Variants in CACNA1B observed in about 807,000 individuals in gnomAD.
CACNA1B encodes the protein voltage-dependent N-type calcium channel subunit alpha-1B.
A neutral mutation model predicts 247.2 loss-of-function variants in CACNA1B; 70 were observed. That is an observed-to-expected ratio of 0.28 (90% confidence interval 0.23 to 0.35). CACNA1B has a LOEUF of 0.35. CACNA1B is among the 10% of genes least tolerant of loss of function. CACNA1B has a pLI of 1.00. For missense variants in CACNA1B, 2,367 were observed against 3,197.4 expected (o/e 0.74, Z 6.26); for synonymous variants, 1,231 against 1,294.4 (o/e 0.95, Z 1.05).
At position 138,122,241 on chromosome 9, in the gene CACNA1B, C is replaced by CA; in HGVS notation, c.*243dup. 1.8e-6 allele frequency: 1 copy of CA among 569,122 alleles called. No homozygotes were observed. The allele number at this position is 569,122 out of a possible 1,614,324, so 35.3% of individuals were successfully genotyped here. A position where few individuals can be genotyped will look rare whatever the true frequency, so the allele number is the denominator to read the frequency against. ...CCTTCCTGGGTCTCGTACCACACAC[C>CA]AGACCCTAAACCGCAGGCTGCTGTG... On this transcript the variant is annotated 3_prime_UTR_variant, in exon 47 of 47. Coordinates refer to ENST00000371372, the MANE Select transcript of CACNA1B (RefSeq NM_000718.4).
Position 137,882,712 on chromosome 9 carries a change from CA to C in CACNA1B, c.391-31del, listed in dbSNP as rs1956942871. The C allele has an allele frequency of 1.2e-6, 2 of 1,613,446 alleles. No homozygotes were observed. The highest frequency in any genetic ancestry group is 1.7e-5 in the Admixed American group (1 of 59,978). ...GCCCGCTACTACACCGGGTAGGGGCCAGGGGTGACCACTGTTCTGCGCTTCT... is the reference window on the plus strand; with the variant it reads ...GCCCGCTACTACACCGGGTAGGGGCCGGGGTGACCACTGTTCTGCGCTTCT... On this transcript the variant is annotated intron_variant, in intron 2 of 46. Transcript: ENST00000371372. The surrounding 1 kb of genome is among the most constrained non-coding windows in gnomAD (Gnocchi z 4.0).
In CACNA1B at chr9:137,952,455, T is replaced by C. The variant is rs1030806312; in HGVS notation, c.1070+78T>C. 3.8e-5 allele frequency: 47 copies of C among 1,233,272 alleles called. No individual in the cohort carries two copies. In the Middle Eastern group the frequency reaches 9.3e-4, roughly 24 times the overall value. The allele number at this position is 1,233,272 out of a possible 1,614,324, so 76.4% of individuals were successfully genotyped here. On this transcript the variant is annotated intron_variant, in intron 7 of 46. Coordinates refer to ENST00000371372, the MANE Select transcript of CACNA1B (RefSeq NM_000718.4). This position sits in a 1 kb window ranked among gnomAD's most constrained non-coding sequence, Gnocchi z 4.8. ...GGGTCAACAGGGGCACGTGTGACAC[T>C]TGGGGTGGGGGCCTGGCCCATGGGT... is the stretch of plus-strand genomic sequence containing the variant.
At chr9:137,915,659 TA>T (rs1263665422) in intron 5 of CACNA1B, among the ~76,000 whole-genome samples, 1 of 151,926 alleles carries the variant, frequency 6.6e-6, no homozygotes, top group Non-Finnish European at 1.5e-5. Context: ...CAACTGTAAA[TA>T]AAAGAGAATT....
In CACNA1B at chr9:138,102,622, A is replaced by C; in HGVS notation, c.5223-89A>C. The C allele has an allele frequency of 1.7e-6, 1 of 589,142 alleles. No homozygotes were observed. The highest frequency in any genetic ancestry group is 3.0e-6 in the Non-Finnish European group (1 of 329,342). The allele number at this position is 589,142 out of a possible 1,614,324, so 36.5% of individuals were successfully genotyped here. A position where few individuals can be genotyped will look rare whatever the true frequency, so the allele number is the denominator to read the frequency against. ...TCTTGTCTGCTTCCTCCCTGCCCCT[A>C]CCCCGCTCCCCTCCCCGCTCCCCTC... On this transcript the variant is annotated intron_variant, in intron 37 of 46. Coordinates refer to ENST00000371372, the MANE Select transcript of CACNA1B (RefSeq NM_000718.4). The surrounding 1 kb of genome is among the most constrained non-coding windows in gnomAD (Gnocchi z 5.4).
At chr9:138,047,292 C>T (rs1468800506) in intron 22 of CACNA1B, 107 bp from the exon 23 acceptor site, 3 of 870,304 alleles carry the variant, frequency 3.4e-6, no homozygotes, top group African/African-American at 3.3e-5. Context: ...CTTCCTGGCT[C>T]CCTGGCTGAC....
At position 137,919,064 on chromosome 9, in the gene CACNA1B, T is replaced by C. The variant is rs1437977181; in HGVS notation, c.966+1633T>C. Among the ~76,000 whole-genome samples the C allele has an allele frequency of 6.6e-6, 1 of 152,222 alleles. No homozygotes were observed. The highest frequency in any genetic ancestry group is 2.4e-5 in the African/African-American group (1 of 41,476). On this transcript the variant is annotated intron_variant, in intron 6 of 46. Coordinates refer to ENST00000371372, the MANE Select transcript of CACNA1B (RefSeq NM_000718.4). The surrounding 1 kb of genome is among the most constrained non-coding windows in gnomAD (Gnocchi z 4.6). The stretch of plus-strand genomic sequence containing the variant: ...GTGACCAGGTCTCCACAGCCCTCAG[T>C]GTCCACTGGGGCTTGGCCAGGGGCC...
intron 15 of CACNA1B, among the ~76,000 whole-genome samples, chr9:137,993,426 A>G (rs1958458744): frequency 1.3e-5 from 2 of 152,152 alleles, no homozygotes; most frequent in Non-Finnish European, 2.9e-5. Flanking sequence ...CTAGATAGAT[A>G]AAATTGATAG....
At chr9:137,879,763 A>T (rs1956891078) in intron 2 of CACNA1B, among the ~76,000 whole-genome samples, 1 of 152,196 alleles carries the variant, frequency 6.6e-6, no homozygotes, top group Non-Finnish European at 1.5e-5. Context: ...TCAGGGTGCC[A>T]GGGCAAGGTC....
At chr9:137,939,847 T>TA (rs61564187) in intron 6 of CACNA1B, among the ~76,000 whole-genome samples, 2 of 95,002 alleles carry the variant, frequency 2.1e-5, no homozygotes, top group Non-Finnish European at 4.2e-5. Context: ...AATAAATAAA[T>TA]AAAAAAAAAT....
intron 6 of CACNA1B, among the ~76,000 whole-genome samples, chr9:137,943,007 G>A (rs1957750870): frequency 6.7e-6 from 1 of 150,204 alleles, no homozygotes; most frequent in Non-Finnish European, 1.5e-5. Context: ...CTGATTTTGG[G>A]TTGCTGGTTA....
intron 16 of CACNA1B, among the ~76,000 whole-genome samples, chr9:138,009,721 G>A (rs1051812718): frequency 1.3e-5 from 2 of 152,188 alleles, no homozygotes; most frequent in African/African-American, 2.4e-5. Flanking sequence ...CAGTCAGCCC[G>A]AAAGAGCTGG....
At chr9:137,902,197 A>G (rs1041187532) in intron 3 of CACNA1B, among the ~76,000 whole-genome samples, 1 of 152,104 alleles carries the variant, frequency 6.6e-6, no homozygotes, top group Non-Finnish European at 1.5e-5. Context: ...TTGCCATTTC[A>G]TTTTGGAAAT....
At chr9:138,030,095 T>G (rs1958970687) in intron 20 of CACNA1B, among the ~76,000 whole-genome samples, 1 of 152,236 alleles carries the variant, frequency 6.6e-6, no homozygotes, top group Non-Finnish European at 1.5e-5. Context: ...TTGCACTGTC[T>G]GTGACTTCCA....
At position 138,023,795 on chromosome 9, in the gene CACNA1B, C is replaced by G. The variant is rs1377061935; in HGVS notation, c.3052C>G (p.Arg1018Gly). 1 of 1,437,700 alleles carries G rather than the reference C, an allele frequency of 7.0e-7. No homozygotes were observed. Among genetic ancestry groups the G allele is most frequent in the African/African-American group, 1.4e-5 (1 of 70,774 alleles). The allele number at this position is 1,437,700 out of a possible 1,614,324, so 89.1% of individuals were successfully genotyped here. A position where few individuals can be genotyped will look rare whatever the true frequency, so the allele number is the denominator to read the frequency against. Residue 1018 changes from arginine to glycine, a missense_variant, in exon 19 of 47, where the codon CGG (arginine) becomes GGG (glycine). Transcript: ENST00000371372. ...IVEADKEKEL[R>G]NHQPREPHCD... ...GGAAGCCGACAAGGAAAAGGAGCTC[C>G]GGAACCACCAGCCCCGGTGAGTCCG...
At position 138,090,701 on chromosome 9, in the gene CACNA1B, CAAAAAAAAAAAAAAAA is replaced by C. The variant is rs1173964720; in HGVS notation, c.5095-5765_5095-5750del. Among the ~76,000 whole-genome samples, 26 of 16,600 alleles carry C rather than the reference CAAAAAAAAAAAAAAAA, an allele frequency of 1.6e-3. 1 individual carries two copies. The highest frequency in any genetic ancestry group is 0.011 in the South Asian group (2 of 174). 10.9% of individuals were successfully genotyped at this position (16,600 alleles called of 152,430 possible). ...TACAAGGTGAAACTCAACCCATCAGCAAAAAAAAAAAAAAAAAAAAAAAAAAAAAAAAATCAGATTA... is the reference window on the plus strand; with the variant it reads ...TACAAGGTGAAACTCAACCCATCAGCAAAAAAAAAAAAAAAAATCAGATTA... On this transcript the variant is annotated intron_variant, in intron 36 of 46. Transcript: ENST00000371372.
In CACNA1B at chr9:137,914,237, A is replaced by C. The variant is rs1957387537; in HGVS notation, c.623-417A>C. On this transcript the variant is annotated intron_variant, in intron 4 of 46. Transcript: ENST00000371372. The surrounding 1 kb of genome is among the most constrained non-coding windows in gnomAD (Gnocchi z 4.3). ...AGCATTCTCTGCTCTTCCCTCCTAG[A>C]ATTCCCTGTTCTTTCCTCTCAGGAT... is the stretch of plus-strand genomic sequence containing the variant. Among the ~76,000 whole-genome samples, 1 of 151,632 alleles carries C rather than the reference A, an allele frequency of 6.6e-6. No homozygotes were observed.
chr9:137,924,327 C>T (rs183779250), intron 6 of CACNA1B, among the ~76,000 whole-genome samples: 4 of 145,752 alleles, frequency 2.7e-5, no homozygotes, highest in African/African-American at 1.0e-4. Context: ...TTTCCTTCCT[C>T]CCTCCCTTCC....
chr9:138,044,042 C>A, intron 21 of CACNA1B, 142 bp downstream of exon 21: 1 of 1,169,156 alleles, frequency 8.6e-7, no homozygotes, highest in Non-Finnish European at 1.2e-6. Flanking sequence ...ACCCCAGAGG[C>A]ACGTGCCCGT....
Position 137,950,901 on chromosome 9 carries a change from T to C in CACNA1B, c.967-1373T>C, listed in dbSNP as rs1957870310. On this transcript the variant is annotated intron_variant, in intron 6 of 46. Coordinates refer to ENST00000371372, the MANE Select transcript of CACNA1B (RefSeq NM_000718.4). This position sits in a 1 kb window ranked among gnomAD's most constrained non-coding sequence, Gnocchi z 4.8. Reference sequence around the variant, plus strand: ...TGGGAACAATATGGCAGAGTATGTCTGCTCCATCTTCCCAGAAGTGGAAGT... The same window carrying C: ...TGGGAACAATATGGCAGAGTATGTCCGCTCCATCTTCCCAGAAGTGGAAGT... 6.6e-6 allele frequency among the ~76,000 whole-genome samples: 1 copy of C among 152,234 alleles called. No homozygotes were observed. Among genetic ancestry groups the C allele is most frequent in the Non-Finnish European group, 1.5e-5 (1 of 68,042 alleles).
Sources: allele counts gnomAD v4.1 joint callset (sites outside exome capture counted in the v4.1 genomes callset), GRCh38; gene constraint gnomAD v4.1.1; non-coding constraint Gnocchi (gnomAD v3.1); transcripts MANE v1.5; gene names NCBI Gene and HGNC (gene_info 2026-07-23, HGNC 2026-07-21).